Variants in MSI2 observed in about 807,000 individuals in gnomAD.
MSI2 encodes the protein musashi RNA binding protein 2.
Under a neutral mutation model 45.6 loss-of-function variants are expected in MSI2, and 17 were observed. The ratio of observed to expected loss-of-function variants is 0.37; its 90% CI spans 0.26 to 0.56. The LOEUF (loss-of-function observed/expected upper bound fraction) is 0.56. Ranked by LOEUF, MSI2 falls within the 20% of genes least tolerant of loss-of-function variation. MSI2 has a pLI of 0.77. For missense variants in MSI2, 293 were observed against 444.2 expected (o/e 0.66, Z 3.06); for synonymous variants, 156 against 158.2 (o/e 0.99, Z 0.11).
chr17:57,299,692 A>G (rs1206841088), intron 5 of MSI2, among the ~76,000 whole-genome samples: 2 of 152,200 alleles, frequency 1.3e-5, no homozygotes, highest in African/African-American at 4.8e-5. Flanking sequence ...CAAAGATCAC[A>G]GATCACCATT....
chr17:57,334,488 A>G (rs1914528035), intron 5 of MSI2, among the ~76,000 whole-genome samples: 1 of 152,150 alleles, frequency 6.6e-6, no homozygotes, highest in Non-Finnish European at 1.5e-5. Context: ...ACACTCCCCA[A>G]GATCTCATTA....
intron 5 of MSI2, among the ~76,000 whole-genome samples, chr17:57,346,943 G>A (rs1915667557): frequency 6.6e-6 from 1 of 152,146 alleles, no homozygotes; most frequent in South Asian, 2.1e-4. Context: ...AACAGAATAG[G>A]TAATCGAACA....
chr17:57,620,247 G>A (rs1908163499), intron 9 of MSI2, among the ~76,000 whole-genome samples: 1 of 152,144 alleles, frequency 6.6e-6, no homozygotes, highest in South Asian at 2.1e-4. Context: ...CCTACCCATG[G>A]GGTAATAATC....
intron 11 of MSI2, among the ~76,000 whole-genome samples, chr17:57,670,380 G>A (rs57132555): frequency 0.012 from 1,791 of 152,344 alleles, 34 homozygotes; most frequent in African/African-American, 0.041. Context: ...CATCTCTCCC[G>A]TCTTGCTTTA....
At chr17:57,400,885 G>A (rs563151250) in intron 5 of MSI2, among the ~76,000 whole-genome samples, 2 of 152,104 alleles carry the variant, frequency 1.3e-5, no homozygotes, top group Non-Finnish European at 2.9e-5. Flanking sequence ...GTCTCCAGGT[G>A]CGAGGTCAGC....
At chr17:57,616,263 GTGTGTGTGTGTGCATGCA>G (rs1907685119) in intron 9 of MSI2, 179 bp downstream of exon 9, 2 of 513,056 alleles carry the variant, frequency 3.9e-6, no homozygotes, top group Non-Finnish European at 7.0e-6. Flanking sequence ...TTAAGTGTGG[GTGTGTGTGTGTGCATGCA>G]TGTGTGTGTG....
At chr17:57,649,504 CACATT>C (rs1490174729) in intron 10 of MSI2, among the ~76,000 whole-genome samples, 1 of 152,016 alleles carries the variant, frequency 6.6e-6, no homozygotes, top group African/African-American at 2.4e-5. Context: ...CCAACAAACA[CACATT>C]ACACACATAC....
intron 6 of MSI2, among the ~76,000 whole-genome samples, chr17:57,445,015 G>GT (rs2084870306): frequency 6.6e-6 from 1 of 152,170 alleles, no homozygotes; most frequent in African/African-American, 2.4e-5. Context: ...AAAAAGTGGA[G>GT]TGTTAGCATA....
intron 6 of MSI2, among the ~76,000 whole-genome samples, chr17:57,435,060 A>G (rs1479272260): frequency 6.6e-6 from 1 of 152,170 alleles, no homozygotes; most frequent in Non-Finnish European, 1.5e-5. Flanking sequence ...AATTTCCACT[A>G]ATGTAAGAGA....
chr17:57,574,132 G>A (rs2087951146), intron 7 of MSI2, among the ~76,000 whole-genome samples: 1 of 152,078 alleles, frequency 6.6e-6, no homozygotes, highest in Non-Finnish European at 1.5e-5. Context: ...GCACATCTGT[G>A]TCTCCCCAGC....
chr17:57,581,443 C>T (rs1367985346), intron 7 of MSI2, among the ~76,000 whole-genome samples: 1 of 152,150 alleles, frequency 6.6e-6, no homozygotes. Flanking sequence ...GATTCAAATC[C>T]TCCCAGTCCA....
intron 5 of MSI2, among the ~76,000 whole-genome samples, chr17:57,321,695 G>C (rs981742825): frequency 6.6e-6 from 1 of 152,168 alleles, no homozygotes; most frequent in Admixed American, 6.5e-5. Context: ...GGTCAAATTA[G>C]GAAGGGCCCT....
intron 13 of MSI2, among the ~76,000 whole-genome samples, chr17:57,679,178 A>T (rs1192681480): frequency 6.6e-6 from 1 of 152,210 alleles, no homozygotes; most frequent in Non-Finnish European, 1.5e-5. Flanking sequence ...TTGAAAACAG[A>T]AGTTTAAACA....
the MSI2 span, among the ~76,000 whole-genome samples, chr17:57,700,463 C>T: frequency 2.0e-5 from 3 of 152,024 alleles, no homozygotes; most frequent in East Asian, 1.9e-4. Context: ...AATTAGGTGA[C>T]GGAAATGGCA....
rs77332338 is a variant in MSI2 at position 57,556,617 on chromosome 17, G to C, written c.454+26893G>C. Among the ~76,000 whole-genome samples, 852 of 152,294 alleles carry C rather than the reference G, an allele frequency of 5.6e-3. 3 individuals carry two copies. Among genetic ancestry groups the C allele is most frequent in the Middle Eastern group, 0.024 (7 of 294 alleles). On this transcript the variant is annotated intron_variant, in intron 7 of 13. Coordinates refer to ENST00000284073, the MANE Select transcript of MSI2 (RefSeq NM_138962.4). ...TGAGGCAAGCTCATAGGATTGTTTTGCAAGTGGACTGATTGGCTGGTTGGG... is the reference window on the plus strand; with the variant it reads ...TGAGGCAAGCTCATAGGATTGTTTTCCAAGTGGACTGATTGGCTGGTTGGG...
At chr17:57,332,776 C>T (rs2143738837) in intron 5 of MSI2, among the ~76,000 whole-genome samples, 1 of 152,232 alleles carries the variant, frequency 6.6e-6, no homozygotes, top group African/African-American at 2.4e-5. Context: ...CTGTAATCCC[C>T]ACACTTTGGG....
At chr17:57,353,724 C>T (rs1321421249) in intron 5 of MSI2, among the ~76,000 whole-genome samples, 1 of 152,156 alleles carries the variant, frequency 6.6e-6, no homozygotes, top group East Asian at 1.9e-4. Flanking sequence ...CCTTGGGTCT[C>T]AGAACATTAA....
At chr17:57,307,680 C>A (rs970016143) in intron 5 of MSI2, among the ~76,000 whole-genome samples, 2 of 151,036 alleles carry the variant, frequency 1.3e-5, no homozygotes, top group African/African-American at 4.9e-5. Flanking sequence ...TTGCCTTGGC[C>A]TCCCATCCAC....
intron 5 of MSI2, among the ~76,000 whole-genome samples, chr17:57,339,244 C>A (rs116227959): frequency 6.2e-4 from 94 of 152,272 alleles, no homozygotes; most frequent in African/African-American, 2.2e-3. Flanking sequence ...GGTGGCTTCG[C>A]GTTTGGGCAG....
Sources: gnomAD v4.1 joint callset for allele counts (sites outside exome capture counted in the v4.1 genomes callset) on GRCh38, gnomAD v4.1.1 for gene constraint, MANE v1.5 for transcripts, NCBI Gene and HGNC (gene_info 2026-07-23, HGNC 2026-07-21) for gene names.